MAGI1: variants seen among roughly 807,000 people sequenced by gnomAD.
The protein encoded by MAGI1 is membrane associated guanylate kinase, WW and PDZ domain containing 1.
Under a neutral mutation model 139.9 loss-of-function variants are expected in MAGI1, and 58 were observed. That is an observed-to-expected ratio of 0.41 (90% CI 0.34 to 0.52). The LOEUF (loss-of-function observed/expected upper bound fraction) is 0.52, where lower values mean the gene tolerates loss of function less well. MAGI1 is among the 20% of genes least tolerant of loss of function. The probability of loss-of-function intolerance (pLI) is 0.12; values close to 1 mark genes in which losing one functional copy is unlikely to be tolerated. For missense variants in MAGI1, 1,874 were observed against 1,901.6 expected (o/e 0.99, Z 0.27); for synonymous variants, 812 against 737.9 (o/e 1.10, Z -1.63).
intron 1 of MAGI1, among the ~76,000 whole-genome samples, chr3:65,755,167 C>G (rs955439785): frequency 2.0e-5 from 3 of 151,988 alleles, no homozygotes; most frequent in East Asian, 1.9e-4. Flanking sequence ...AGGCTGGTCT[C>G]AAACTGCTGA....
chr3:66,002,156 A>T (rs984368836), intron 1 of MAGI1, among the ~76,000 whole-genome samples: 1 of 152,232 alleles, frequency 6.6e-6, no homozygotes, highest in African/African-American at 2.4e-5. Context: ...GTAAGGATTA[A>T]CTTCAATATT....
At chr3:65,507,611 T>C (rs1323680785) in intron 2 of MAGI1, among the ~76,000 whole-genome samples, 3 of 152,238 alleles carry the variant, frequency 2.0e-5, no homozygotes, top group Non-Finnish European at 4.4e-5. Context: ...TTACCTTATC[T>C]AATGTTTGCC....
intron 2 of MAGI1, among the ~76,000 whole-genome samples, chr3:65,498,800 T>C (rs767538045): frequency 2.0e-5 from 3 of 152,160 alleles, no homozygotes; most frequent in Non-Finnish European, 4.4e-5. Context: ...CATGTAGCTA[T>C]TAAAAAGTGG....
intron 10 of MAGI1, among the ~76,000 whole-genome samples, chr3:65,431,617 C>G (rs1947462422): frequency 6.6e-6 from 1 of 151,782 alleles, no homozygotes; most frequent in Non-Finnish European, 1.5e-5. Flanking sequence ...CCCCCCACAA[C>G]ACACACACAC....
chr3:65,461,087 T>C (rs1269683248), intron 5 of MAGI1, among the ~76,000 whole-genome samples: 1 of 152,174 alleles, frequency 6.6e-6, no homozygotes, highest in African/African-American at 2.4e-5. Flanking sequence ...CTGGGTCAAA[T>C]GGTATTTCTA....
At chr3:65,402,777 G>A (rs890823742) in intron 12 of MAGI1, among the ~76,000 whole-genome samples, 1 of 152,160 alleles carries the variant, frequency 6.6e-6, no homozygotes, top group South Asian at 2.1e-4. Flanking sequence ...AGTGCCCACT[G>A]GGAGTGAGGC....
intron 1 of MAGI1, among the ~76,000 whole-genome samples, chr3:65,743,707 C>G (rs2035462958): frequency 6.8e-6 from 1 of 147,914 alleles, no homozygotes; most frequent in Non-Finnish European, 1.5e-5. Context: ...AAGACTCCAT[C>G]TCAAAAAAAA....
At chr3:65,774,732 GA>G (rs1229025598) in intron 1 of MAGI1, among the ~76,000 whole-genome samples, 1 of 152,134 alleles carries the variant, frequency 6.6e-6, no homozygotes, top group Non-Finnish European at 1.5e-5. Flanking sequence ...GATCACAAGT[GA>G]TTTTTAAGTA....
At chr3:65,486,178 T>C (rs1432292933) in intron 3 of MAGI1, among the ~76,000 whole-genome samples, 1 of 152,220 alleles carries the variant, frequency 6.6e-6, no homozygotes, top group East Asian at 1.9e-4. Context: ...GCAGACCTTC[T>C]AGGAAGCAAA....
chr3:65,793,187 C>A (rs1453262586), intron 1 of MAGI1, among the ~76,000 whole-genome samples: 3 of 152,218 alleles, frequency 2.0e-5, no homozygotes, highest in Non-Finnish European at 4.4e-5. Context: ...GCTGGCAGGG[C>A]TTCATCACAT....
intron 1 of MAGI1, among the ~76,000 whole-genome samples, chr3:65,861,763 G>A (rs1328634822): frequency 1.3e-5 from 2 of 151,426 alleles, no homozygotes; most frequent in Non-Finnish European, 2.9e-5. Context: ...TGACTCAATG[G>A]CTGAATCACA....
chr3:65,803,406 TAAAAGATAGAC>T (rs1415283317), intron 1 of MAGI1, among the ~76,000 whole-genome samples: 2 of 152,150 alleles, frequency 1.3e-5, no homozygotes, highest in African/African-American at 4.8e-5. Flanking sequence ...TGACTATAAA[TAAAAGATAGAC>T]TTAAAATTTC....
rs2082045368 is a variant in MAGI1, at chr3:65,593,249, T to C, written c.430+28723A>G. On this transcript the variant is annotated intron_variant, in intron 2 of 22. Coordinates refer to ENST00000402939, the MANE Select transcript of MAGI1 (RefSeq NM_001033057.2). ...CTCTTTGGCATGACTCCACAATTAATGAGAAAATTATAGCACTTACTGTCT... is the reference window on the plus strand; with the variant it reads ...CTCTTTGGCATGACTCCACAATTAACGAGAAAATTATAGCACTTACTGTCT... 1.3e-5 allele frequency among the ~76,000 whole-genome samples: 2 copies of C among 152,304 alleles called. 1 individual carries two copies. Among genetic ancestry groups the C allele is most frequent in the South Asian group, 4.1e-4 (2 of 4,826 alleles).
At chr3:65,477,364 T>C (rs1205898811) in intron 4 of MAGI1, among the ~76,000 whole-genome samples, 3 of 152,160 alleles carry the variant, frequency 2.0e-5, no homozygotes, top group Non-Finnish European at 4.4e-5. Context: ...AGTCCACTCA[T>C]CTCCACCTTC....
chr3:65,547,191 C>T (rs2079546213), intron 2 of MAGI1, among the ~76,000 whole-genome samples: 1 of 152,164 alleles, frequency 6.6e-6, no homozygotes, highest in Non-Finnish European at 1.5e-5. Flanking sequence ...AAGCGCATCT[C>T]TTATGCAAAA....
intron 1 of MAGI1, among the ~76,000 whole-genome samples, chr3:65,898,607 T>C (rs1206733812): frequency 6.6e-6 from 1 of 152,192 alleles, no homozygotes; most frequent in Non-Finnish European, 1.5e-5. Flanking sequence ...CAAAAGTTCC[T>C]ATTATTTTGA....
rs186800643 is a variant in MAGI1, at chr3:65,820,489, C to T, written c.314-198401G>A. On this transcript the variant is annotated intron_variant, in intron 1 of 22. Coordinates refer to ENST00000402939, the MANE Select transcript of MAGI1 (RefSeq NM_001033057.2). Reference sequence around the variant, plus strand: ...ATCTCTTTTAAGTCGAGGAGTACTGCGTCCACCCTACTTTAGAAACATACA... The same window carrying T: ...ATCTCTTTTAAGTCGAGGAGTACTGTGTCCACCCTACTTTAGAAACATACA... Among the ~76,000 whole-genome samples, 9 of 152,182 alleles carry T rather than the reference C, an allele frequency of 5.9e-5. No homozygotes were observed. The East Asian group carries it at 1.7e-3, about 29-fold the overall frequency.
At chr3:66,031,826 GGAAA>G (rs542603984) in intron 1 of MAGI1, among the ~76,000 whole-genome samples, 230 of 151,862 alleles carry the variant, frequency 1.5e-3, no homozygotes, top group African/African-American at 5.2e-3. Context: ...GAAAACGGAG[GGAAA>G]GAATCATTTT....
intron 7 of MAGI1, 84 bp from the exon 8 acceptor site, chr3:65,442,933 G>A (rs1330893801): frequency 1.0e-6 from 1 of 953,304 alleles, no homozygotes; most frequent in Non-Finnish European, 1.7e-6. Flanking sequence ...TAGGCAAAAA[G>A]AGAAAGACTC....
Sources: gnomAD v4.1 joint callset for allele counts (sites outside exome capture counted in the v4.1 genomes callset) on GRCh38, gnomAD v4.1.1 for gene constraint, MANE v1.5 for transcripts, NCBI Gene and HGNC (gene_info 2026-07-23, HGNC 2026-07-21) for gene names.